The following UST variants were observed in gnomAD, a reference collection of about 807,000 sequenced individuals.
UST encodes the protein chondroitin sulfate 2-O-sulfotransferase.
A neutral mutation model predicts 45.6 loss-of-function variants in UST; 21 were observed. That is an observed-to-expected ratio of 0.46 (90% CI 0.33 to 0.66). The LOEUF (loss-of-function observed/expected upper bound fraction) is 0.66, where lower values mean the gene tolerates loss of function less well. UST is among the 30% of genes least tolerant of loss of function. The pLI, the probability that UST is intolerant of heterozygous loss-of-function variation, is 0.02. For missense variants in UST, 463 were observed against 512.4 expected (o/e 0.90, Z 0.93); for synonymous variants, 215 against 200.6 (o/e 1.07, Z -0.61).
rs1777766247 is a variant in UST at position 148,835,304 on chromosome 6, T to C, written c.248-51682T>C. ...TATATGCAAATACTATGCCATATAA[T>C]ATCAGGGACTTGAGCATCCTTAGAT... On this transcript the variant is annotated intron_variant, in intron 1 of 7. Coordinates refer to ENST00000367463, the MANE Select transcript of UST (RefSeq NM_005715.3). Among the ~76,000 whole-genome samples the C allele has an allele frequency of 1.3e-5, 2 of 152,174 alleles. 1 individual carries two copies. The highest frequency in any genetic ancestry group is 4.1e-4 in the South Asian group (2 of 4,824).
intron 2 of UST, among the ~76,000 whole-genome samples, chr6:148,898,472 G>A (rs980796262): frequency 5.3e-5 from 8 of 151,962 alleles, no homozygotes; most frequent in South Asian, 2.1e-4. Context: ...CTTACTTCGC[G>A]CTCATCACAT....
chr6:148,971,630 GT>G (rs988092140), intron 5 of UST, among the ~76,000 whole-genome samples: 15 of 152,282 alleles, frequency 9.9e-5, no homozygotes, highest in Admixed American at 7.8e-4. Context: ...ACAAAGCCCT[GT>G]GGCAGAAGGG....
chr6:148,939,597 G>A (rs968676518), intron 2 of UST, among the ~76,000 whole-genome samples: 7 of 152,186 alleles, frequency 4.6e-5, no homozygotes, highest in Non-Finnish European at 1.0e-4. Context: ...GTACTAAACA[G>A]CTAAGTGGGG....
chr6:148,841,621 C>G (rs1777894879), intron 1 of UST, among the ~76,000 whole-genome samples: 1 of 147,678 alleles, frequency 6.8e-6, no homozygotes, highest in Non-Finnish European at 1.5e-5. Flanking sequence ...GAATAAATAG[C>G]AAATTGTTGC....
At chr6:149,059,226 C>G (rs1399702663) in intron 7 of UST, among the ~76,000 whole-genome samples, 1 of 152,176 alleles carries the variant, frequency 6.6e-6, no homozygotes, top group Non-Finnish European at 1.5e-5. Flanking sequence ...CTGTCATGTT[C>G]AAGTCTAGGC....
In UST at chr6:149,019,012, T is replaced by C. The variant is rs543871929; in HGVS notation, c.682-127T>C. 9.0e-5 allele frequency: 70 copies of C among 780,536 alleles called. No individual in the cohort carries two copies. The African/African-American group carries it at 1.1e-3, about 13-fold the overall frequency. 48.4% of individuals were successfully genotyped at this position (780,536 alleles called of 1,614,324 possible). A position where few individuals can be genotyped will look rare whatever the true frequency, so the allele number is the denominator to read the frequency against. On this transcript the variant is annotated intron_variant, in intron 5 of 7. Coordinates refer to ENST00000367463, the MANE Select transcript of UST (RefSeq NM_005715.3). The stretch of plus-strand genomic sequence containing the variant: ...AAAATAAGTTTTCTCATGAAATCTG[T>C]GAATTCTCTTCATCTTCTCAAGGCG...
rs137979070 is a variant in UST at position 148,976,532 on chromosome 6, A to G, written c.681+11969A>G. 3.3e-5 allele frequency among the ~76,000 whole-genome samples: 5 copies of G among 152,264 alleles called. No homozygotes were observed. In the East Asian group the frequency reaches 7.7e-4, roughly 23 times the overall value. ...CGTGGTCCATCTTGTGCATCATTCA[A>G]TTCCTCCGCCCTTCACCTGCACACC... On this transcript the variant is annotated intron_variant, in intron 5 of 7. Transcript: ENST00000367463.
chr6:148,747,512 C>T lies in UST; in HGVS notation c.82C>T (p.Leu28=). ...GAPMGGAPPG[L]GSWKRRVPLL... is the part of the protein sequence containing the mutation. ...CCCTATGGGGGGCGCCCCTCCGGGC[C>T]TGGGCAGCTGGAAGCGTCGGGTGCC... is the stretch of plus-strand genomic sequence containing the variant. The change falls in exon 1 of 8, where the codon CTG becomes TTG. Residue 28 remains leucine, a synonymous_variant. Coordinates refer to ENST00000367463, the MANE Select transcript of UST (RefSeq NM_005715.3). 2 of 1,538,918 alleles carry T rather than the reference C, an allele frequency of 1.3e-6. No homozygotes were observed. The highest frequency in any genetic ancestry group is 1.4e-5 in the African/African-American group (1 of 71,672).
intron 5 of UST, among the ~76,000 whole-genome samples, chr6:149,013,483 G>T (rs569647659): frequency 6.6e-6 from 1 of 151,618 alleles, no homozygotes; most frequent in African/African-American, 2.4e-5. Context: ...CCAAAATTGC[G>T]TCATTGCACT....
chr6:149,047,215 A>G (rs940919538), intron 7 of UST, among the ~76,000 whole-genome samples: 7 of 152,214 alleles, frequency 4.6e-5, no homozygotes, highest in African/African-American at 1.4e-4. Flanking sequence ...TTGTTTCTAC[A>G]TATCTGTGAA....
chr6:148,956,705 T>C (rs1230899109), intron 4 of UST, among the ~76,000 whole-genome samples: 1 of 152,236 alleles, frequency 6.6e-6, no homozygotes. Context: ...AGGGCTGGGC[T>C]CTGCTTCTCC....
rs571435953 is a variant in UST at position 148,926,727 on chromosome 6, C to T, written c.292-14552C>T. On this transcript the variant is annotated intron_variant, in intron 2 of 7. Coordinates refer to ENST00000367463, the MANE Select transcript of UST (RefSeq NM_005715.3). ...CAGCAGTGTTCATTTATAACTCATT[C>T]ATTTGTTGAATGAATGGACAGAACT... 1.6e-4 allele frequency among the ~76,000 whole-genome samples: 24 copies of T among 152,312 alleles called. No individual in the cohort carries two copies. The South Asian group carries it at 5.0e-3, about 32-fold the overall frequency.
chr6:148,937,750 CTA>C (rs1159534272), intron 2 of UST, among the ~76,000 whole-genome samples: 2 of 152,160 alleles, frequency 1.3e-5, no homozygotes, highest in African/African-American at 4.8e-5. Flanking sequence ...TTCTTCCTTG[CTA>C]TTCCGTAATG....
At chr6:148,973,236 A>G (rs1304773155) in intron 5 of UST, among the ~76,000 whole-genome samples, 2 of 152,226 alleles carry the variant, frequency 1.3e-5, no homozygotes, top group Non-Finnish European at 2.9e-5. Flanking sequence ...AGTAAATAAT[A>G]TTTCTTATCC....
At chr6:148,846,116 C>A (rs1047064405) in intron 1 of UST, among the ~76,000 whole-genome samples, 9 of 150,400 alleles carry the variant, frequency 6.0e-5, no homozygotes, top group African/African-American at 1.9e-4. Context: ...CAAAGGACTA[C>A]AAATCATGCT....
intron 5 of UST, among the ~76,000 whole-genome samples, chr6:149,013,943 A>T (rs1205701779): frequency 6.6e-6 from 1 of 152,254 alleles, no homozygotes; most frequent in East Asian, 1.9e-4. Context: ...CTTTTGTGAT[A>T]AAATTAACTC....
intron 7 of UST, among the ~76,000 whole-genome samples, chr6:149,064,210 A>C (rs1239688712): frequency 1.3e-5 from 2 of 152,274 alleles, no homozygotes; most frequent in East Asian, 3.9e-4. Flanking sequence ...CATCTCCCTT[A>C]GACTGTGAGC....
rs564047056 is a variant in UST, at chr6:148,864,737, C to T, written c.248-22249C>T. 7.9e-5 allele frequency among the ~76,000 whole-genome samples: 12 copies of T among 152,292 alleles called. 1 individual carries two copies. In the South Asian group the frequency reaches 2.5e-3, roughly 32 times the overall value. On this transcript the variant is annotated intron_variant, in intron 1 of 7. Coordinates refer to ENST00000367463, the MANE Select transcript of UST (RefSeq NM_005715.3). Reference sequence around the variant, plus strand: ...AATTAATAGTTATCCTTGGTTGTTTCAGAAAATGTCATGATTAATAGTTAT... The same window carrying T: ...AATTAATAGTTATCCTTGGTTGTTTTAGAAAATGTCATGATTAATAGTTAT...
chr6:148,857,226 AG>A (rs1206095270), intron 1 of UST, among the ~76,000 whole-genome samples: 1 of 152,148 alleles, frequency 6.6e-6, no homozygotes, highest in African/African-American at 2.4e-5. Flanking sequence ...GGATGCTCTA[AG>A]GAGAGCCACA....
Sources: allele counts gnomAD v4.1 joint callset (sites outside exome capture counted in the v4.1 genomes callset), GRCh38; gene constraint gnomAD v4.1.1; transcripts MANE v1.5; gene names NCBI Gene and HGNC (gene_info 2026-07-23, HGNC 2026-07-21).